Variants in TMPRSS11A observed in about 807,000 individuals in gnomAD.
TMPRSS11A encodes transmembrane serine protease 11A, also known as transmembrane protease serine 11A.
A neutral mutation model predicts 58.9 loss-of-function variants in TMPRSS11A; 53 were observed. The observed-to-expected ratio is 0.90, with a 90% CI of 0.72 to 1.13. The LOEUF (loss-of-function observed/expected upper bound fraction) is 1.13, where lower values mean the gene tolerates loss of function less well. TMPRSS11A is among the 50% of genes most tolerant of loss of function. The pLI, the probability that TMPRSS11A is intolerant of heterozygous loss-of-function variation, is 0.00. For synonymous variants in TMPRSS11A, 167 were observed against 169.8 expected, an observed-to-expected ratio of 0.98 and a Z score of 0.13; for missense variants, 493 against 499.3, an observed-to-expected ratio of 0.99 and a Z score of 0.12.
intron 5 of TMPRSS11A, among the ~76,000 whole-genome samples, chr4:67,928,765 G>A (rs551491208): frequency 2.0e-5 from 3 of 151,970 alleles, no homozygotes; most frequent in African/African-American, 7.3e-5. Context: ...TTCCTTATCT[G>A]GTTTCCTCTT....
intron 2 of TMPRSS11A, among the ~76,000 whole-genome samples, chr4:67,945,586 A>G (rs1046324935): frequency 2.6e-5 from 4 of 152,212 alleles, no homozygotes; most frequent in Admixed American, 1.3e-4. Context: ...CCAATGGTAT[A>G]AACTACAGCT....
Position 67,929,883 on chromosome 4 carries a change from TAACTTG to T in TMPRSS11A, c.472_477del (p.Gln158_Val159del). The T allele has an allele frequency of 3.1e-6, 5 of 1,607,212 alleles. No homozygotes were observed. The highest frequency in any genetic ancestry group is 4.3e-6 in the Non-Finnish European group (5 of 1,175,688). ...ACATAGAAGGGGACCTCCTTACCATTAACTTGAACTGATGAGGCATTTATTGGCAAG... is the reference window on the plus strand; with the variant it reads ...ACATAGAAGGGGACCTCCTTACCATTAACTGATGAGGCATTTATTGGCAAG... On this transcript the variant is annotated inframe_deletion, in exon 5 of 10. Transcript: ENST00000508048.
chr4:67,955,564 A>G (rs1561385), intron 1 of TMPRSS11A, among the ~76,000 whole-genome samples: 27,784 of 152,152 alleles, frequency 0.18, 3,122 homozygotes, highest in East Asian at 0.44. Context: ...AACTACTTCT[A>G]TGAATTTACC....
chr4:67,954,678 T>C (rs561421167), intron 1 of TMPRSS11A, among the ~76,000 whole-genome samples: 1 of 152,328 alleles, frequency 6.6e-6, no homozygotes, highest in East Asian at 1.9e-4. Context: ...TAGTTTAAAT[T>C]AATGTGACAT....
rs1719927097 is a variant in TMPRSS11A at position 67,910,110 on chromosome 4, G to A, written c.*1232C>T. ...GCTTCCATAAAGCCTTAATTTAATT[G>A]TATTACGAAATACATGAGCCTTACT... On this transcript the variant is annotated 3_prime_UTR_variant, in exon 10 of 10. Transcript: ENST00000508048. The A allele has an allele frequency of 6.6e-6, 1 of 151,916 alleles. No individual in the cohort carries two copies. The highest frequency in any genetic ancestry group is 1.5e-5 in the Non-Finnish European group (1 of 67,920). The allele number at this position is 151,916 out of a possible 1,614,324, so 9.4% of individuals were successfully genotyped here.
chr4:67,947,703 G>A (rs898879492), intron 1 of TMPRSS11A, among the ~76,000 whole-genome samples: 3 of 152,208 alleles, frequency 2.0e-5, no homozygotes, highest in Admixed American at 6.5e-5. Context: ...TGTTCTTCTG[G>A]CACCTATGAT....
At chr4:67,925,490 A>T (rs969784285) in intron 5 of TMPRSS11A, among the ~76,000 whole-genome samples, 3 of 152,182 alleles carry the variant, frequency 2.0e-5, no homozygotes, top group Non-Finnish European at 4.4e-5. Context: ...CATTCTACTA[A>T]CTTTCTACAA....
intron 8 of TMPRSS11A, among the ~76,000 whole-genome samples, chr4:67,917,041 A>C (rs894403256): frequency 1.3e-5 from 2 of 152,202 alleles, no homozygotes; most frequent in African/African-American, 4.8e-5. Flanking sequence ...AAAATGCTTA[A>C]TGACATTTCT....
rs1720229363 is a variant in TMPRSS11A at position 67,918,823 on chromosome 4, T to A, written c.952+150A>T. ...TTGTTTTTTATTCTGCACTGGTTAA[T>A]GTGAATTGAATTTCTGTCACACAAA... On this transcript the variant is annotated intron_variant, in intron 8 of 9. Transcript: ENST00000508048. 9.6e-6 allele frequency: 9 copies of A among 933,064 alleles called. No individual in the cohort carries two copies. In the Admixed American group the frequency reaches 1.5e-4, roughly 15 times the overall value. 57.8% of individuals were successfully genotyped at this position (933,064 alleles called of 1,614,324 possible).
Position 67,946,566 on chromosome 4 carries a change from A to G in TMPRSS11A, c.17T>C (p.Val6Ala). 1 of 1,610,592 alleles carries G rather than the reference A, an allele frequency of 6.2e-7. No homozygotes were observed. The highest frequency in any genetic ancestry group is 8.5e-7 in the Non-Finnish European group (1 of 1,178,444). The change falls in exon 2 of 10, where the codon GTG becomes GCG. Residue 6 changes from valine to alanine, a missense_variant. Coordinates refer to ENST00000508048, the MANE Select transcript of TMPRSS11A (RefSeq NM_001114387.2). MMYRTVGFGTRSRNLK... is the reference protein window; with the variant it reads MMYRTAGFGTRSRNLK... ...ATTTCTGCTTCGGGTGCCAAATCCC[A>G]CTGTCCTGAGAAAAGGAAGGGCCCA...
At chr4:67,955,675 G>A (rs538843533) in intron 1 of TMPRSS11A, among the ~76,000 whole-genome samples, 136 of 152,110 alleles carry the variant, frequency 8.9e-4, no homozygotes, top group Admixed American at 2.3e-3. Flanking sequence ...ACTCATCCAC[G>A]AATTTTTGTT....
chr4:67,951,591 T>A (rs942481515), intron 1 of TMPRSS11A, among the ~76,000 whole-genome samples: 1 of 148,670 alleles, frequency 6.7e-6, no homozygotes, highest in Non-Finnish European at 1.5e-5. Flanking sequence ...GGGGGATATT[T>A]TTTTTTTTTT....
Position 67,919,337 on chromosome 4 carries a change from A to G in TMPRSS11A, c.693-105T>C, listed in dbSNP as rs1280385590. 8 of 1,019,882 alleles carry G rather than the reference A, an allele frequency of 7.8e-6. No homozygotes were observed. In the South Asian group the frequency reaches 9.9e-5, roughly 13 times the overall value. The allele number at this position is 1,019,882 out of a possible 1,614,324, so 63.2% of individuals were successfully genotyped here. A position where few individuals can be genotyped will look rare whatever the true frequency, so the allele number is the denominator to read the frequency against. On this transcript the variant is annotated intron_variant, in intron 7 of 9. Transcript: ENST00000508048. ...ATAAGAGAAATACAATCCTGAGAAT[A>G]CTTGGCTGCAGTTATAGTTTTCTTT...
chr4:67,930,994 A>G (rs1720602120), intron 4 of TMPRSS11A, among the ~76,000 whole-genome samples: 1 of 152,004 alleles, frequency 6.6e-6, no homozygotes, highest in South Asian at 2.1e-4. Flanking sequence ...CAGATGACTA[A>G]TTTTACTTCT....
In TMPRSS11A at chr4:67,924,021, C is replaced by T. The variant is rs571835474; in HGVS notation, c.520+107G>A. On this transcript the variant is annotated intron_variant, in intron 6 of 9. Coordinates refer to ENST00000508048, the MANE Select transcript of TMPRSS11A (RefSeq NM_001114387.2). ...AATCTATCGTACAAATAGTTATTAT[C>T]TCTCAAAGAAAATCTGGAGGACAGA... The T allele has an allele frequency of 2.6e-5, 24 of 915,118 alleles. No homozygotes were observed. In the South Asian group the frequency reaches 2.9e-4, roughly 11 times the overall value. The allele number at this position is 915,118 out of a possible 1,614,324, so 56.7% of individuals were successfully genotyped here.
At chr4:67,956,091 G>A (rs1721281926) in intron 1 of TMPRSS11A, among the ~76,000 whole-genome samples, 1 of 152,052 alleles carries the variant, frequency 6.6e-6, no homozygotes, top group South Asian at 2.1e-4. Context: ...CTGTAAATTG[G>A]TGATAATAAA....
chr4:67,924,180 T>G lies in TMPRSS11A; in HGVS notation c.482-14A>C, dbSNP rs1410414440. 6.2e-7 allele frequency: 1 copy of G among 1,611,112 alleles called. No individual in the cohort carries two copies. The highest frequency in any genetic ancestry group is 1.3e-5 in the African/African-American group (1 of 74,860). On this transcript the variant is annotated splice_polypyrimidine_tract_variant and intron_variant, in intron 5 of 9. Coordinates refer to ENST00000508048, the MANE Select transcript of TMPRSS11A (RefSeq NM_001114387.2). ...ATGAGCTCATTGCTGAAAAAGAAGA[T>G]AAAACAAATAGTGATAATTTGATAT...
intron 1 of TMPRSS11A, among the ~76,000 whole-genome samples, chr4:67,959,771 T>C (rs1274942708): frequency 6.6e-6 from 1 of 152,198 alleles, no homozygotes; most frequent in African/African-American, 2.4e-5. Flanking sequence ...TGGAGATTTC[T>C]CAAAGAACTT....
intron 5 of TMPRSS11A, among the ~76,000 whole-genome samples, chr4:67,926,557 A>AC (rs945775310): frequency 6.6e-6 from 1 of 151,996 alleles, no homozygotes; most frequent in Non-Finnish European, 1.5e-5. Flanking sequence ...CGACTGTGCC[A>AC]CCCCCAACCT....
Sources: gnomAD v4.1 joint callset for allele counts (sites outside exome capture counted in the v4.1 genomes callset) on GRCh38, gnomAD v4.1.1 for gene constraint, MANE v1.5 for transcripts, NCBI Gene and HGNC (gene_info 2026-07-23, HGNC 2026-07-21) for gene names.